TLK1: variants seen among roughly 807,000 people sequenced by gnomAD.
TLK1 encodes serine/threonine-protein kinase tousled-like 1.
TLK1 carries 24 observed loss-of-function variants against 105.3 expected under a neutral mutation model. The observed-to-expected ratio is 0.23, with a 90% CI of 0.17 to 0.32. The LOEUF (loss-of-function observed/expected upper bound fraction) is 0.32. Among genes scored for constraint, TLK1 ranks in the 10% least tolerant of loss-of-function variants. TLK1 has a pLI of 1.00. For missense variants in TLK1, 558 were observed against 910.5 expected, an observed-to-expected ratio of 0.61 and a Z score of 4.98; for synonymous variants, 321 against 310.4, an observed-to-expected ratio of 1.03 and a Z score of -0.36.
chr2:171,096,636 T>C (rs1019128064), intron 2 of TLK1, among the ~76,000 whole-genome samples: 1 of 151,796 alleles, frequency 6.6e-6, no homozygotes, highest in Admixed American at 6.6e-5. Context: ...CAGGCGCCTA[T>C]AGTCCCAGCT....
intron 14 of TLK1, among the ~76,000 whole-genome samples, chr2:171,009,291 C>CTTTTTTTTTTTTTTTTT (rs71008743): frequency 1.3e-5 from 1 of 74,832 alleles, no homozygotes; most frequent in African/African-American, 6.1e-5. Flanking sequence ...ATTTCTTTTC[C>CTTTTTTTTTTTTTTTTT]TTTTTTTTTT....
At position 171,029,210 on chromosome 2, in the gene TLK1, A is replaced by T. The variant is rs184666325; in HGVS notation, c.1170-805T>A. On this transcript the variant is annotated intron_variant, in intron 11 of 20. Coordinates refer to ENST00000431350, the MANE Select transcript of TLK1 (RefSeq NM_012290.5). ...CTAAGAGTAATGGGAAATCACTGCA[A>T]AGGGAGTCAGTCCAGTTTGGGCAGT... 1.0e-3 allele frequency among the ~76,000 whole-genome samples: 158 copies of T among 152,346 alleles called. 1 individual carries two copies. The highest frequency in any genetic ancestry group is 1.8e-3 in the Non-Finnish European group (124 of 68,020).
intron 1 of TLK1, among the ~76,000 whole-genome samples, chr2:171,176,735 G>T (rs1692836138): frequency 1.3e-5 from 2 of 151,996 alleles, no homozygotes; most frequent in Non-Finnish European, 2.9e-5. Flanking sequence ...ATTGCCCTCA[G>T]CGTCCACAAT....
chr2:171,106,649 C>T (rs892142812), intron 2 of TLK1, among the ~76,000 whole-genome samples: 3 of 152,150 alleles, frequency 2.0e-5, no homozygotes, highest in African/African-American at 7.2e-5. Flanking sequence ...GCTAGAGCAC[C>T]GTTGCTACCA....
chr2:171,077,504 T>C (rs1688565860), intron 3 of TLK1, among the ~76,000 whole-genome samples: 1 of 152,236 alleles, frequency 6.6e-6, no homozygotes, highest in Non-Finnish European at 1.5e-5. Context: ...ATTTCCTCAC[T>C]TTCTAATTTC....
intron 11 of TLK1, among the ~76,000 whole-genome samples, chr2:171,034,012 A>G (rs1377918400): frequency 3.3e-5 from 5 of 152,160 alleles, no homozygotes; most frequent in Non-Finnish European, 5.9e-5. Context: ...AAACACATTA[A>G]AAGATGTTCA....
intron 18 of TLK1, 51 bp from the exon 19 acceptor site, chr2:170,997,874 T>A: frequency 9.1e-7 from 1 of 1,101,558 alleles, no homozygotes; most frequent in Admixed American, 2.1e-5. Context: ...ATCTGTAACT[T>A]AAAATCTTCT....
At chr2:171,172,960 A>T (rs762471520) in intron 1 of TLK1, among the ~76,000 whole-genome samples, 5 of 152,252 alleles carry the variant, frequency 3.3e-5, no homozygotes, top group Admixed American at 6.5e-5. Context: ...ATATATGTAT[A>T]GTCCACTTTA....
chr2:171,078,492 C>G (rs918552876), intron 3 of TLK1, among the ~76,000 whole-genome samples: 1 of 151,928 alleles, frequency 6.6e-6, no homozygotes, highest in Non-Finnish European at 1.5e-5. Context: ...GAGCTGAGAT[C>G]ACGCCACTGC....
chr2:171,140,335 ACT>A (rs1034887062), intron 1 of TLK1, among the ~76,000 whole-genome samples: 1 of 152,114 alleles, frequency 6.6e-6, no homozygotes. Flanking sequence ...AAAAACGAAA[ACT>A]CTACTTCTAG....
At chr2:171,166,844 T>C (rs903888562) in intron 1 of TLK1, among the ~76,000 whole-genome samples, 2 of 152,192 alleles carry the variant, frequency 1.3e-5, no homozygotes, top group Non-Finnish European at 2.9e-5. Flanking sequence ...AACAAGAGAA[T>C]GGATAAATTA....
At chr2:171,130,715 C>T (rs985706517) in intron 1 of TLK1, among the ~76,000 whole-genome samples, 1 of 152,070 alleles carries the variant, frequency 6.6e-6, no homozygotes, top group African/African-American at 2.4e-5. Context: ...AAATTTTATC[C>T]ACCAGATTTC....
At position 171,185,290 on chromosome 2, in the gene TLK1, C is replaced by G. The variant is rs59591679; in HGVS notation, c.-6+45855G>C. On this transcript the variant is annotated intron_variant, in intron 1 of 20. Transcript: ENST00000521943. ...TAACTGCTGTCTCTGGTTTTATCCT[C>G]CTCCAGTTCATTTTCCACTCTGTTT... Among the ~76,000 whole-genome samples the G allele has an allele frequency of 5.5e-3, 843 of 152,292 alleles. 8 individuals carry two copies. Among genetic ancestry groups the G allele is most frequent in the African/African-American group, 0.02 (813 of 41,550 alleles).
At chr2:171,138,408 T>C (rs1353253366) in intron 1 of TLK1, among the ~76,000 whole-genome samples, 3 of 152,332 alleles carry the variant, frequency 2.0e-5, no homozygotes, top group Admixed American at 6.5e-5. Context: ...GGTATACTTA[T>C]CTAAAAAATA....
chr2:171,198,926 T>C (rs903360672), intron 1 of TLK1, among the ~76,000 whole-genome samples: 2 of 152,210 alleles, frequency 1.3e-5, no homozygotes, highest in African/African-American at 4.8e-5. Flanking sequence ...AAGCATGACT[T>C]TGACATCACC....
intron 1 of TLK1, among the ~76,000 whole-genome samples, chr2:171,179,157 T>G (rs1411539336): frequency 6.6e-6 from 1 of 152,242 alleles, no homozygotes; most frequent in African/African-American, 2.4e-5. Flanking sequence ...GCTACTGTGA[T>G]GACAAGTACA....
chr2:171,188,866 T>G (rs1298368583), intron 1 of TLK1, among the ~76,000 whole-genome samples: 1 of 149,168 alleles, frequency 6.7e-6, no homozygotes, highest in Non-Finnish European at 1.5e-5. Context: ...CAAAGCAAGA[T>G]TCTGTCTAAA....
At chr2:171,094,132 T>C (rs372221451) in intron 2 of TLK1, among the ~76,000 whole-genome samples, 2 of 151,952 alleles carry the variant, frequency 1.3e-5, no homozygotes, top group Admixed American at 6.6e-5. Flanking sequence ...TTTATAAGTA[T>C]ATTATTTGAA....
chr2:170,996,056 G>A (rs181730359), intron 20 of TLK1, among the ~76,000 whole-genome samples: 1 of 151,694 alleles, frequency 6.6e-6, no homozygotes, highest in African/African-American at 2.4e-5. Flanking sequence ...TGAGTGCAGC[G>A]GTATCGTCAT....
Sources: gnomAD v4.1 joint callset for allele counts (sites outside exome capture counted in the v4.1 genomes callset) on GRCh38, gnomAD v4.1.1 for gene constraint, MANE v1.5 for transcripts, NCBI Gene and HGNC (gene_info 2026-07-23, HGNC 2026-07-21) for gene names.